The following NMT1 variants were observed in gnomAD, a reference collection of about 807,000 sequenced individuals.
NMT1 encodes N-myristoyltransferase 1, also known as glycylpeptide N-tetradecanoyltransferase 1.
Under a neutral mutation model 63.4 loss-of-function variants are expected in NMT1, and 12 were observed. The observed-to-expected ratio is 0.19, with a 90% CI of 0.12 to 0.31. The LOEUF is 0.31. NMT1 is among the 10% of genes least tolerant of loss of function. The pLI is 1.00. For missense variants in NMT1, 432 were observed against 634.6 expected, an observed-to-expected ratio of 0.68 and a Z score of 3.43; for synonymous variants, 228 against 234.3, an observed-to-expected ratio of 0.97 and a Z score of 0.25.
At chr17:45,094,859 C>T (rs1186847538) in intron 4 of NMT1, among the ~76,000 whole-genome samples, 5 of 139,604 alleles carry the variant, frequency 3.6e-5, no homozygotes, top group Admixed American at 7.7e-5. Context: ...GTTGCCCAGG[C>T]TGGAGTGCAG....
chr17:45,093,743 G>C lies in NMT1; in HGVS notation c.444G>C (p.Glu148Asp). The change falls in exon 4 of 12, where the codon GAG (glutamate) becomes GAC (aspartate). Residue 148 changes from glutamate to aspartate, a missense_variant. This residue lies in a region of NMT1 where 295 missense variants were observed against 489.7 expected (regional missense o/e 0.60). Coordinates refer to ENST00000258960, the MANE Select transcript of NMT1 (RefSeq NM_021079.5). ...CTGACAAGGACAATATCCGCCAGGAGCCCTACACCCTGCCCCAGGGCTTCA... is the reference window on the plus strand; with the variant it reads ...CTGACAAGGACAATATCCGCCAGGACCCCTACACCCTGCCCCAGGGCTTCA... ...VEPDKDNIRQ[E>D]PYTLPQGFTW... 1 of 1,614,272 alleles carries C rather than the reference G, an allele frequency of 6.2e-7. No homozygotes were observed. The highest frequency in any genetic ancestry group is 1.6e-4 in the Middle Eastern group (1 of 6,062).
intron 1 of NMT1, among the ~76,000 whole-genome samples, chr17:45,065,432 G>A (rs2053895865): frequency 6.6e-6 from 1 of 151,916 alleles, no homozygotes; most frequent in African/African-American, 2.4e-5. Context: ...AGACCATCCT[G>A]GCTAACACAG....
chr17:45,093,859 C>T (rs751194073), intron 4 of NMT1, 56 bp downstream of exon 4: 519 of 1,382,910 alleles, frequency 3.8e-4, no homozygotes, highest in Non-Finnish European at 4.9e-4. Context: ...TCACAGTAAG[C>T]CCTGCAGTCT....
chr17:45,098,652 A>G (rs1261371990), intron 7 of NMT1, 100 bp downstream of exon 7: 3 of 1,123,620 alleles, frequency 2.7e-6, no homozygotes, highest in African/African-American at 3.1e-5. Flanking sequence ...TTAGCATCCC[A>G]CCTCTGGCGT....
Position 45,099,473 on chromosome 17 carries a change from T to G in NMT1, c.953T>G (p.Met318Arg), listed in dbSNP as rs1435733070. 1 of 1,614,134 alleles carries G rather than the reference T, an allele frequency of 6.2e-7. No individual in the cohort carries two copies. Residue 318 changes from methionine to arginine, a missense_variant, in exon 8 of 12, where the codon ATG (methionine) becomes AGG (arginine). Coordinates refer to ENST00000258960, the MANE Select transcript of NMT1 (RefSeq NM_021079.5). ...EVKFSHLSRN[M>R]TMQRTMKLYR... ...AAGTTCTCCCACCTGAGCAGAAATATGACCATGCAGCGCACCATGAAGCTC... is the reference window on the plus strand; with the variant it reads ...AAGTTCTCCCACCTGAGCAGAAATAGGACCATGCAGCGCACCATGAAGCTC...
At chr17:45,080,465 C>CTTTT (rs35346554) in intron 1 of NMT1, among the ~76,000 whole-genome samples, 2 of 70,194 alleles carry the variant, frequency 2.8e-5, no homozygotes, top group African/African-American at 5.7e-5. Flanking sequence ...CAGCCTTTTC[C>CTTTT]TTTTTTTTTT....
At position 45,093,691 on chromosome 17, in the gene NMT1, T is replaced by C; in HGVS notation, c.392T>C (p.Val131Ala). 1 of 1,614,062 alleles carries C rather than the reference T, an allele frequency of 6.2e-7. No individual in the cohort carries two copies. Among genetic ancestry groups the C allele is most frequent in the Non-Finnish European group, 8.5e-7 (1 of 1,179,898 alleles). Residue 131 changes from valine to alanine, a missense_variant, in exon 4 of 12, where the codon GTG (valine) becomes GCG (alanine). Physicochemically the swap from Val to Ala is moderately conservative, Grantham distance 64 (BLOSUM62 0). Around this residue, in one of 4 missense-constraint regions of NMT1, gnomAD observed 295 missense variants for 489.7 expected, o/e 0.60. Coordinates refer to ENST00000258960, the MANE Select transcript of NMT1 (RefSeq NM_021079.5). ...AGCTGTGCTCTTCTTTCAGGCGAAG[T>C]GGTGAACACCCATGGCCCCGTGGAG... Reference protein sequence around the residue: ...DTQPVPKLGEVVNTHGPVEPD... With the variant: ...DTQPVPKLGEAVNTHGPVEPD...
At chr17:45,073,696 C>G (rs2053957609) in intron 1 of NMT1, among the ~76,000 whole-genome samples, 1 of 152,158 alleles carries the variant, frequency 6.6e-6, no homozygotes, top group African/African-American at 2.4e-5. Context: ...ATTCTCAAAT[C>G]AATTCTTACA....
chr17:45,087,117 C>T (rs1430685644), intron 3 of NMT1, among the ~76,000 whole-genome samples: 3 of 151,766 alleles, frequency 2.0e-5, no homozygotes, highest in African/African-American at 4.8e-5. Flanking sequence ...GCTGAGATCA[C>T]GCCACCGCAC....
chr17:45,062,734 A>G (rs920214295), intron 1 of NMT1, among the ~76,000 whole-genome samples: 76 of 152,336 alleles, frequency 5.0e-4, no homozygotes, highest in Admixed American at 1.8e-3. Flanking sequence ...TTAGTAGGCT[A>G]TACCATCTAG....
chr17:45,078,759 T>C (rs1025935877), intron 1 of NMT1, among the ~76,000 whole-genome samples: 2 of 152,072 alleles, frequency 1.3e-5, no homozygotes, highest in Non-Finnish European at 2.9e-5. Context: ...CCTCCCAGGC[T>C]TCAAGCCAAC....
intron 3 of NMT1, among the ~76,000 whole-genome samples, chr17:45,088,853 T>C (rs1410520090): frequency 2.6e-5 from 4 of 151,958 alleles, no homozygotes; most frequent in African/African-American, 9.7e-5. Context: ...CACCTGTAAA[T>C]GTAGAAAGTG....
Position 45,061,475 on chromosome 17 carries a change from G to A in NMT1, c.131+15G>A. 6.2e-7 allele frequency: 1 copy of A among 1,609,528 alleles called. No individual in the cohort carries two copies. The highest frequency in any genetic ancestry group is 8.5e-7 in the Non-Finnish European group (1 of 1,177,970). ...TACAACCGGGGGTAACGAAATCCTC[G>A]GAGTCCAATTCCCGTCCAGCCTCCC... On this transcript the variant is annotated intron_variant, in intron 1 of 11. Transcript: ENST00000258960.
At chr17:45,077,988 A>G (rs2053988328) in intron 1 of NMT1, among the ~76,000 whole-genome samples, 1 of 152,146 alleles carries the variant, frequency 6.6e-6, no homozygotes, top group Non-Finnish European at 1.5e-5. Context: ...TCTCATTAAT[A>G]TCATACCAAG....
intron 8 of NMT1, among the ~76,000 whole-genome samples, 157 bp from the exon 9 acceptor site, chr17:45,102,794 G>A (rs901735931): frequency 2.0e-5 from 3 of 152,186 alleles, no homozygotes; most frequent in East Asian, 1.9e-4. Context: ...CAGAAGATAC[G>A]GAAGAGGCAG....
chr17:45,089,649 A>C (rs922770729), intron 3 of NMT1, among the ~76,000 whole-genome samples: 1 of 134,554 alleles, frequency 7.4e-6, no homozygotes, highest in Non-Finnish European at 1.6e-5. Context: ...CCTCTCTTTT[A>C]TTTTCTTGAG....
At chr17:45,091,226 ACACACACACACG>A (rs909091338) in intron 3 of NMT1, among the ~76,000 whole-genome samples, 1 of 149,080 alleles carries the variant, frequency 6.7e-6, no homozygotes, top group African/African-American at 2.5e-5. Flanking sequence ...ACACACACAC[ACACACACACACG>A]TCCCATAGCA....
chr17:45,097,267 A>G (rs1163355442), intron 6 of NMT1, 23 bp downstream of exon 6: 3 of 1,491,882 alleles, frequency 2.0e-6, no homozygotes, highest in East Asian at 4.5e-5. Flanking sequence ...ACCTACCCCC[A>G]CCCCCCACAA....
intron 2 of NMT1, among the ~76,000 whole-genome samples, chr17:45,082,771 T>C (rs1340876375): frequency 6.6e-6 from 1 of 152,176 alleles, no homozygotes. Context: ...ATACCAGCAC[T>C]TTGGGAGGCC....
Sources: gnomAD v4.1 joint callset for allele counts (sites outside exome capture counted in the v4.1 genomes callset) on GRCh38, gnomAD v4.1.1 for gene constraint, gnomAD v4.1.1 regional missense constraint, MANE v1.5 for transcripts, NCBI Gene and HGNC (gene_info 2026-07-23, HGNC 2026-07-21) for gene names.